Variants in TRIT1 observed in about 807,000 individuals in gnomAD.
TRIT1 encodes the protein tRNA dimethylallyltransferase.
Under a neutral mutation model 51.2 loss-of-function variants are expected in TRIT1, and 43 were observed. That is an observed-to-expected ratio of 0.84 (90% CI 0.66 to 1.08). The LOEUF is 1.08. Ranked by LOEUF, TRIT1 falls within the 50% of genes least tolerant of loss-of-function variation. The pLI is 0.00. For synonymous variants in TRIT1, 184 were observed against 203.9 expected (o/e 0.90, Z 0.83); for missense variants, 528 against 578.4 (o/e 0.91, Z 0.89).
intron 6 of TRIT1, 123 bp downstream of exon 6, chr1:39,847,863 T>TA (rs1642323145): frequency 1.5e-6 from 2 of 1,353,424 alleles, no homozygotes; most frequent in South Asian, 1.4e-5. Context: ...TCTGAAAGAT[T>TA]AAAAAACTGC....
intron 1 of TRIT1, among the ~76,000 whole-genome samples, chr1:39,876,651 G>C (rs1441128160): frequency 2.0e-5 from 3 of 151,664 alleles, no homozygotes; most frequent in Non-Finnish European, 2.9e-5. Flanking sequence ...CTTTGGCTGG[G>C]TGCAGTGGCT....
chr1:39,870,061 A>G (rs952437052), intron 1 of TRIT1, among the ~76,000 whole-genome samples: 3 of 152,166 alleles, frequency 2.0e-5, no homozygotes, highest in Non-Finnish European at 4.4e-5. Flanking sequence ...CGGTTTTGTC[A>G]AGTGGAAGGG....
At chr1:39,883,297 G>A (rs369886271) in intron 1 of TRIT1, 21 bp downstream of exon 1, 17 of 1,590,356 alleles carry the variant, frequency 1.1e-5, no homozygotes, top group Non-Finnish European at 1.4e-5. Context: ...CCAGGCGCCC[G>A]GGCCAGCCGC....
rs1255144257 is a variant in TRIT1, at chr1:39,838,239, T to C, written c.*3505A>G. ...CAGCCTTAACTGCCCAAGTAGGTGA[T>C]AATCAAATACAGAAATTCCTGCTGG... On this transcript the variant is annotated 3_prime_UTR_variant, in exon 11 of 11. Transcript: ENST00000316891. 1.3e-5 allele frequency among the ~76,000 whole-genome samples: 2 copies of C among 152,238 alleles called. No individual in the cohort carries two copies. Among genetic ancestry groups the C allele is most frequent in the African/African-American group, 4.8e-5 (2 of 41,464 alleles).
In TRIT1 at chr1:39,862,202, T is replaced by C. The variant is rs144155274; in HGVS notation, c.175-4785A>G. ...TTAAGAAAATAAAAACCTATTGAGA[T>C]GGAAGGTAGTAATGGTTGCAGAACA... On this transcript the variant is annotated intron_variant, in intron 1 of 10. Transcript: ENST00000316891. Among the ~76,000 whole-genome samples, 10 of 151,878 alleles carry C rather than the reference T, an allele frequency of 6.6e-5. No individual in the cohort carries two copies. In the East Asian group the frequency reaches 1.9e-3, roughly 29 times the overall value.
Position 39,851,948 on chromosome 1 carries a change from TA to T in TRIT1, c.560+782del, listed in dbSNP as rs34860273. On this transcript the variant is annotated intron_variant, in intron 4 of 10. Transcript: ENST00000316891. ...GGCAACAAAGTAAGACTCTATCTCT[TA>T]AAAAAAAAAAAAAAAAGTAATAATA... is the stretch of plus-strand genomic sequence containing the variant. 6.0e-3 allele frequency among the ~76,000 whole-genome samples: 762 copies of T among 126,270 alleles called. 2 individuals carry two copies. The highest frequency in any genetic ancestry group is 7.5e-3 in the African/African-American group (256 of 34,124). The allele number at this position is 126,270 out of a possible 152,430, so 82.8% of individuals were successfully genotyped here. A position where few individuals can be genotyped will look rare whatever the true frequency, so the allele number is the denominator to read the frequency against.
At position 39,841,876 on chromosome 1, in the gene TRIT1, C is replaced by T; in HGVS notation, c.1272G>A (p.Lys424=). ...CATCTGAGTCCAATCTTCTTCTTTT[C>T]TTCAGTTGGTTCAAGTGGGATTTGG... ...IKSKSHLNQL[K]KRRRLDSDAV... The change falls in exon 11 of 11, where the codon AAG becomes AAA. Residue 424 remains lysine, a synonymous_variant. Transcript: ENST00000316891. 5 of 1,613,866 alleles carry T rather than the reference C, an allele frequency of 3.1e-6. No individual in the cohort carries two copies. Among genetic ancestry groups the T allele is most frequent in the Non-Finnish European group, 3.4e-6 (4 of 1,179,894 alleles).
At chr1:39,851,886 G>A (rs1432485167) in intron 4 of TRIT1, among the ~76,000 whole-genome samples, 1 of 151,400 alleles carries the variant, frequency 6.6e-6, no homozygotes, top group Non-Finnish European at 1.5e-5. Context: ...GGTCAAGGCT[G>A]CAGTGAGCCA....
chr1:39,872,245 C>G (rs1253044088), intron 1 of TRIT1, among the ~76,000 whole-genome samples: 3 of 151,950 alleles, frequency 2.0e-5, no homozygotes, highest in Non-Finnish European at 4.4e-5. Flanking sequence ...ACCAGAATAT[C>G]TGGGAACCCA....
At chr1:39,844,067 T>C (rs986213990) in intron 10 of TRIT1, 34 bp downstream of exon 10, 1 of 1,492,660 alleles carries the variant, frequency 6.7e-7, no homozygotes, top group African/African-American at 1.4e-5. Context: ...AACCCACCCT[T>C]ATAGATTTCT....
rs1291496561 is a variant in TRIT1, at chr1:39,862,196, T to C, written c.175-4779A>G. Among the ~76,000 whole-genome samples, 4 of 152,050 alleles carry C rather than the reference T, an allele frequency of 2.6e-5. No individual in the cohort carries two copies. In the East Asian group the frequency reaches 7.7e-4, roughly 29 times the overall value. ...TTCATTTTAAGAAAATAAAAACCTA[T>C]TGAGATGGAAGGTAGTAATGGTTGC... On this transcript the variant is annotated intron_variant, in intron 1 of 10. Transcript: ENST00000316891.
chr1:39,875,021 T>C (rs370006547), intron 1 of TRIT1, among the ~76,000 whole-genome samples: 1 of 152,258 alleles, frequency 6.6e-6, no homozygotes, highest in African/African-American at 2.4e-5. Context: ...ATTTTTTTCA[T>C]AGTGCTTCCA....
At chr1:39,854,521 G>A (rs1642780321) in intron 2 of TRIT1, among the ~76,000 whole-genome samples, 1 of 152,144 alleles carries the variant, frequency 6.6e-6, no homozygotes, top group African/African-American at 2.4e-5. Flanking sequence ...ATCATGGAGA[G>A]ACTATCACAT....
intron 4 of TRIT1, 84 bp downstream of exon 4, chr1:39,852,645 ATC>A (rs1161731295): frequency 6.6e-7 from 1 of 1,508,914 alleles, no homozygotes; most frequent in African/African-American, 1.4e-5. Flanking sequence ...CTATTACCAA[ATC>A]TCTCTCATCA....
intron 1 of TRIT1, among the ~76,000 whole-genome samples, chr1:39,872,651 T>C (rs1260726108): frequency 6.6e-6 from 1 of 152,040 alleles, no homozygotes; most frequent in African/African-American, 2.4e-5. Context: ...GAAATAAATA[T>C]AAATGTGTGT....
At chr1:39,844,262 C>G in intron 9 of TRIT1, 44 bp from the exon 10 acceptor site, 1 of 1,465,822 alleles carries the variant, frequency 6.8e-7, no homozygotes, top group East Asian at 2.3e-5. Context: ...TCAAAGAGAT[C>G]TGGATATAAT....
In TRIT1 at chr1:39,863,344, C is replaced by T. The variant is rs186464849; in HGVS notation, c.175-5927G>A. ...GTTGGGTGTGGTGGCACGTGCCTCC[C>T]GGCTACTTGGGAGGCTGAGGCAGGA... On this transcript the variant is annotated intron_variant, in intron 1 of 10. Transcript: ENST00000316891. 1.7e-3 allele frequency among the ~76,000 whole-genome samples: 263 copies of T among 152,192 alleles called. 3 individuals are homozygous for T. Among genetic ancestry groups the T allele is most frequent in the Admixed American group, 0.016 (246 of 15,294 alleles).
rs1257998825 is a variant in TRIT1 at position 39,840,653 on chromosome 1, G to A, written c.*1091C>T. On this transcript the variant is annotated 3_prime_UTR_variant, in exon 11 of 11. Transcript: ENST00000316891. ...AAATGTATTTGAATGGGGAGTTAAC[G>A]CTTAAAGGGCACAAAGTTTGTTTGG... is the stretch of plus-strand genomic sequence containing the variant. Among the ~76,000 whole-genome samples the A allele has an allele frequency of 1.3e-5, 2 of 152,180 alleles. No individual in the cohort carries two copies. The highest frequency in any genetic ancestry group is 2.9e-5 in the Non-Finnish European group (2 of 68,042).
intron 1 of TRIT1, chr1:39,862,753 CAT>C (rs1643324021): frequency 1.0e-6 from 1 of 984,630 alleles, no homozygotes; most frequent in African/African-American, 1.7e-5. Flanking sequence ...AAAACATTCA[CAT>C]GTGAGATTTG....
Sources: allele counts gnomAD v4.1 joint callset (sites outside exome capture counted in the v4.1 genomes callset), GRCh38; gene constraint gnomAD v4.1.1; transcripts MANE v1.5; gene names NCBI Gene and HGNC (gene_info 2026-07-23, HGNC 2026-07-21).